The following PCLO variants were observed in gnomAD, a reference collection of about 807,000 sequenced individuals.
The protein encoded by PCLO is protein piccolo.
A neutral mutation model predicts 427.5 loss-of-function variants in PCLO; 82 were observed. The observed-to-expected ratio is 0.19, with a 90% CI of 0.16 to 0.23. The LOEUF (loss-of-function observed/expected upper bound fraction) is 0.23, where lower values mean the gene tolerates loss of function less well. Ranked by LOEUF, PCLO falls within the 10% of genes least tolerant of loss-of-function variation. The probability of loss-of-function intolerance (pLI) is 1.00; values close to 1 mark genes in which losing one functional copy is unlikely to be tolerated. For missense variants in PCLO, 6,239 were observed against 6,115.9 expected, an observed-to-expected ratio of 1.02 and a Z score of -0.67; for synonymous variants, 2,357 against 2,155.4, an observed-to-expected ratio of 1.09 and a Z score of -2.59.
At chr7:82,859,074 C>A (rs1467460706) in intron 10 of PCLO, among the ~76,000 whole-genome samples, 2 of 152,122 alleles carry the variant, frequency 1.3e-5, no homozygotes, top group African/African-American at 4.8e-5. Flanking sequence ...TGAGGGCCAG[C>A]TCAGCTGCAA....
At chr7:82,918,304 A>T (rs1482253567) in intron 6 of PCLO, among the ~76,000 whole-genome samples, 1 of 152,026 alleles carries the variant, frequency 6.6e-6, no homozygotes, top group Admixed American at 6.6e-5. Flanking sequence ...CAGAATTGTT[A>T]TAAAAATCAA....
intron 8 of PCLO, among the ~76,000 whole-genome samples, chr7:82,904,313 CT>C (rs1443146625): frequency 7.9e-5 from 12 of 151,936 alleles, no homozygotes; most frequent in East Asian, 1.9e-4. Flanking sequence ...GCCTCTCACT[CT>C]TTCCTTTCTC....
At chr7:82,807,894 A>T (rs1478740045) in intron 20 of PCLO, among the ~76,000 whole-genome samples, 1 of 152,048 alleles carries the variant, frequency 6.6e-6, no homozygotes, top group Non-Finnish European at 1.5e-5. Flanking sequence ...ATTTGTGGAA[A>T]CAGAATAGTT....
intron 3 of PCLO, among the ~76,000 whole-genome samples, chr7:82,994,617 G>GTGTA (rs1554370345): frequency 6.7e-6 from 1 of 150,040 alleles, no homozygotes; most frequent in African/African-American, 2.4e-5. Context: ...TTCATAGTAG[G>GTGTA]TATATATATA....
chr7:83,145,460 G>T (rs761230227), intron 2 of PCLO, among the ~76,000 whole-genome samples: 4 of 152,092 alleles, frequency 2.6e-5, no homozygotes, highest in Admixed American at 2.0e-4. Context: ...ATGGTATGGT[G>T]AATCAAGTAA....
chr7:83,145,061 T>C (rs1387842971), intron 2 of PCLO, among the ~76,000 whole-genome samples: 2 of 152,202 alleles, frequency 1.3e-5, no homozygotes. Context: ...CTCATCTATA[T>C]GTACTTTTTC....
At chr7:83,065,889 G>A (rs1034054953) in intron 3 of PCLO, among the ~76,000 whole-genome samples, 5 of 152,008 alleles carry the variant, frequency 3.3e-5, no homozygotes, top group African/African-American at 1.2e-4. Flanking sequence ...TTAACAATGG[G>A]GAACAAACGT....
At chr7:83,151,947 G>A (rs1451075222) in intron 2 of PCLO, among the ~76,000 whole-genome samples, 1 of 151,700 alleles carries the variant, frequency 6.6e-6, no homozygotes, top group Non-Finnish European at 1.5e-5. Context: ...GAACTGAAAA[G>A]CCCTATACAA....
chr7:82,855,936 A>C (rs897813802), intron 10 of PCLO, among the ~76,000 whole-genome samples: 3 of 152,116 alleles, frequency 2.0e-5, no homozygotes, highest in Non-Finnish European at 4.4e-5. Context: ...TTTTCAATAA[A>C]AATTGCCAAG....
intron 3 of PCLO, among the ~76,000 whole-genome samples, chr7:83,070,384 T>C (rs2116350746): frequency 7.1e-6 from 1 of 141,080 alleles, no homozygotes; most frequent in African/African-American, 2.7e-5. Flanking sequence ...TTCTACGTTT[T>C]GTGGTTTTTT....
chr7:82,941,525 T>A (rs1795086203), intron 6 of PCLO, among the ~76,000 whole-genome samples: 3 of 152,310 alleles, frequency 2.0e-5, no homozygotes, highest in South Asian at 2.1e-4. Context: ...ACATGCCTCA[T>A]CTTTAAAATA....
intron 19 of PCLO, among the ~76,000 whole-genome samples, 193 bp downstream of exon 19, chr7:82,824,043 C>A (rs1346710230): frequency 1.3e-5 from 2 of 152,074 alleles, no homozygotes; most frequent in African/African-American, 4.8e-5. Flanking sequence ...AAGTACTACA[C>A]CTAAGTATGG....
chr7:83,027,634 C>G (rs1267179242), intron 3 of PCLO, among the ~76,000 whole-genome samples: 5 of 145,006 alleles, frequency 3.4e-5, no homozygotes, highest in East Asian at 3.9e-4. Flanking sequence ...GATACCAAAG[C>G]CTGGCAGAGA....
At chr7:83,102,683 G>A (rs1584028060) in intron 3 of PCLO, among the ~76,000 whole-genome samples, 1 of 151,686 alleles carries the variant, frequency 6.6e-6, no homozygotes, top group East Asian at 1.9e-4. Flanking sequence ...TTTTCACTGA[G>A]TAATCATACA....
At chr7:82,821,802 T>C (rs1791798777) in intron 20 of PCLO, 1 of 982,200 alleles carries the variant, frequency 1.0e-6, no homozygotes. Flanking sequence ...TGAGGTTGCA[T>C]TGCCTTATCA....
intron 4 of PCLO, among the ~76,000 whole-genome samples, chr7:82,960,144 A>G (rs1389906901): frequency 1.3e-5 from 2 of 152,252 alleles, no homozygotes; most frequent in African/African-American, 2.4e-5. Context: ...GAAAGGATGC[A>G]GTGTTAAGTT....
chr7:82,824,771 G>A (rs1284267236), intron 18 of PCLO, among the ~76,000 whole-genome samples: 1 of 151,094 alleles, frequency 6.6e-6, no homozygotes, highest in African/African-American at 2.4e-5. Context: ...GTGAAATCCC[G>A]TCTCTGCTAA....
At chr7:82,813,374 G>A (rs1261417890) in intron 20 of PCLO, among the ~76,000 whole-genome samples, 1 of 151,626 alleles carries the variant, frequency 6.6e-6, no homozygotes, top group Admixed American at 6.6e-5. Flanking sequence ...TATATAGATG[G>A]TTATATTGCA....
At chr7:82,791,368 G>C (rs893556131) in intron 22 of PCLO, among the ~76,000 whole-genome samples, 1 of 152,188 alleles carries the variant, frequency 6.6e-6, no homozygotes, top group African/African-American at 2.4e-5. Context: ...GCTCCAGAGT[G>C]CAATGTAAAT....
Sources: allele counts gnomAD v4.1 joint callset (sites outside exome capture counted in the v4.1 genomes callset), GRCh38; gene constraint gnomAD v4.1.1; transcripts MANE v1.5; gene names NCBI Gene and HGNC (gene_info 2026-07-23, HGNC 2026-07-21).